HECTD2: variants seen among roughly 807,000 people sequenced by gnomAD.
The protein encoded by HECTD2 is probable E3 ubiquitin-protein ligase HECTD2.
HECTD2 carries 35 observed loss-of-function variants against 103.2 expected under a neutral mutation model. The ratio of observed to expected loss-of-function variants is 0.34; its 90% CI spans 0.26 to 0.45. HECTD2 has a LOEUF of 0.45. Among genes scored for constraint, HECTD2 ranks in the 20% least tolerant of loss-of-function variants. The probability of loss-of-function intolerance (pLI) is 1.00; values close to 1 mark genes in which losing one functional copy is unlikely to be tolerated. For missense variants in HECTD2, 596 were observed against 937.4 expected (o/e 0.64, Z 4.76); for synonymous variants, 281 against 329.9 (o/e 0.85, Z 1.61).
At chr10:91,496,893 G>A (rs1026701086) in intron 15 of HECTD2, among the ~76,000 whole-genome samples, 4 of 150,644 alleles carry the variant, frequency 2.7e-5, no homozygotes, top group Non-Finnish European at 3.0e-5. Context: ...TTGAAATATT[G>A]GATCAATTTT....
At chr10:91,421,126 TA>T (rs564199270) in intron 1 of HECTD2, among the ~76,000 whole-genome samples, 1 of 152,310 alleles carries the variant, frequency 6.6e-6, no homozygotes, top group African/African-American at 2.4e-5. Flanking sequence ...TTTGTCAATT[TA>T]TTTTGTATAG....
intron 20 of HECTD2, among the ~76,000 whole-genome samples, chr10:91,505,212 A>C (rs1330780735): frequency 1.3e-5 from 2 of 152,132 alleles, no homozygotes; most frequent in African/African-American, 4.8e-5. Flanking sequence ...AAACTGCATC[A>C]ACTAACGAGC....
rs891834238 is a variant in HECTD2 at position 91,514,372 on chromosome 10, T to A, written c.*1988T>A. On this transcript the variant is annotated 3_prime_UTR_variant, in exon 21 of 21. Coordinates refer to ENST00000298068, the MANE Select transcript of HECTD2 (RefSeq NM_182765.6). ...TTATCTGTTGTTAAGTTGAAATGTA[T>A]AATCATTTATCACTAAATTGCACAT... 3 of 152,658 alleles carry A rather than the reference T, an allele frequency of 2.0e-5. No individual in the cohort carries two copies. Among genetic ancestry groups the A allele is most frequent in the Non-Finnish European group, 2.9e-5 (2 of 68,036 alleles). 9.5% of individuals were successfully genotyped at this position (152,658 alleles called of 1,614,324 possible).
chr10:91,450,070 A>C (rs1314693701), intron 2 of HECTD2, among the ~76,000 whole-genome samples: 2 of 152,196 alleles, frequency 1.3e-5, no homozygotes, highest in South Asian at 2.1e-4. Context: ...CATATAGTCA[A>C]GACAATCCTA....
intron 5 of HECTD2, chr10:91,463,479 A>AT (rs921765755): frequency 2.6e-5 from 4 of 152,266 alleles, no homozygotes; most frequent in Non-Finnish European, 4.4e-5. Context: ...GTACTTTGCT[A>AT]TATTCATCCA....
intron 20 of HECTD2, among the ~76,000 whole-genome samples, chr10:91,507,555 A>C (rs1025864275): frequency 1.3e-5 from 2 of 152,130 alleles, no homozygotes; most frequent in African/African-American, 4.8e-5. Context: ...TTAGGAATCC[A>C]ACTTACAAGG....
intron 2 of HECTD2, among the ~76,000 whole-genome samples, chr10:91,449,474 A>C (rs1005718328): frequency 6.6e-6 from 1 of 152,204 alleles, no homozygotes; most frequent in Non-Finnish European, 1.5e-5. Flanking sequence ...ATTCCCTTTA[A>C]GAACTGACAG....
chr10:91,412,963 C>G (rs1266070803), intron 1 of HECTD2, among the ~76,000 whole-genome samples: 1 of 151,992 alleles, frequency 6.6e-6, no homozygotes, highest in Non-Finnish European at 1.5e-5. Flanking sequence ...TTAAATAGAG[C>G]TCCTAGAGGT....
intron 20 of HECTD2, among the ~76,000 whole-genome samples, chr10:91,510,467 C>CA (rs1847380134): frequency 6.6e-6 from 1 of 152,148 alleles, no homozygotes. Flanking sequence ...CTTCAATAAA[C>CA]ATTTTCATAA....
chr10:91,495,545 T>C (rs929457807), intron 14 of HECTD2, among the ~76,000 whole-genome samples: 3 of 152,068 alleles, frequency 2.0e-5, no homozygotes, highest in Admixed American at 6.5e-5. Flanking sequence ...ACTATGAAAT[T>C]TGATCTAAAA....
At chr10:91,427,737 T>A (rs908647427) in intron 2 of HECTD2, among the ~76,000 whole-genome samples, 1 of 152,174 alleles carries the variant, frequency 6.6e-6, no homozygotes, top group African/African-American at 2.4e-5. Context: ...CATTGTAGAT[T>A]CTGGATATTA....
At chr10:91,483,244 A>G (rs556402022) in intron 8 of HECTD2, among the ~76,000 whole-genome samples, 168 bp downstream of exon 8, 1 of 152,084 alleles carries the variant, frequency 6.6e-6, no homozygotes, top group South Asian at 2.1e-4. Context: ...GTACTACATA[A>G]AGGATAATTA....
intron 20 of HECTD2, among the ~76,000 whole-genome samples, chr10:91,510,744 T>G (rs1215128035): frequency 6.6e-6 from 1 of 152,242 alleles, no homozygotes; most frequent in African/African-American, 2.4e-5. Context: ...TTCATTTTTT[T>G]CTTTGCTTTG....
chr10:91,418,484 T>C (rs1781697916), intron 1 of HECTD2, among the ~76,000 whole-genome samples: 1 of 152,150 alleles, frequency 6.6e-6, no homozygotes, highest in African/African-American at 2.4e-5. Flanking sequence ...CATCCTTATT[T>C]CCTAGTCTCC....
chr10:91,415,283 A>G (rs973935390), intron 1 of HECTD2, among the ~76,000 whole-genome samples: 2 of 151,598 alleles, frequency 1.3e-5, no homozygotes, highest in Non-Finnish European at 1.5e-5. Flanking sequence ...TGTATGAAAA[A>G]TGTTGTGCTC....
chr10:91,512,011 C>T (rs999206625), intron 20 of HECTD2, among the ~76,000 whole-genome samples: 4 of 152,142 alleles, frequency 2.6e-5, no homozygotes, highest in African/African-American at 9.7e-5. Context: ...CAACAAAATG[C>T]TTCTTAAATG....
intron 5 of HECTD2, among the ~76,000 whole-genome samples, chr10:91,475,509 C>T (rs1845869324): frequency 6.6e-6 from 1 of 152,114 alleles, no homozygotes; most frequent in Admixed American, 6.5e-5. Context: ...CATTGTCTTT[C>T]ATAAGCTATA....
At chr10:91,426,726 GT>G (rs1339032903) in intron 2 of HECTD2, among the ~76,000 whole-genome samples, 2 of 151,478 alleles carry the variant, frequency 1.3e-5, no homozygotes, top group Non-Finnish European at 2.9e-5. Context: ...ATGCCTACAA[GT>G]TTTTGATTGG....
intron 2 of HECTD2, among the ~76,000 whole-genome samples, chr10:91,436,036 C>A (rs1042050713): frequency 6.6e-6 from 1 of 151,334 alleles, no homozygotes; most frequent in Non-Finnish European, 1.5e-5. Context: ...TTTATAGTAC[C>A]CTTTTATTTC....
Sources: allele counts gnomAD v4.1 joint callset (sites outside exome capture counted in the v4.1 genomes callset), GRCh38; gene constraint gnomAD v4.1.1; transcripts MANE v1.5; gene names NCBI Gene and HGNC (gene_info 2026-07-23, HGNC 2026-07-21).